GLIS3: variants seen among roughly 807,000 people sequenced by gnomAD.
GLIS3 encodes zinc finger protein GLIS3.
GLIS3 carries 53 observed loss-of-function variants against 78.6 expected under a neutral mutation model. That is an observed-to-expected ratio of 0.67 (90% CI 0.54 to 0.85). GLIS3 has a LOEUF of 0.85. GLIS3 is among the 40% of genes least tolerant of loss of function. GLIS3 has a pLI of 0.00. For missense variants in GLIS3, 1,703 were observed against 1,231.1 expected, an observed-to-expected ratio of 1.38 and a Z score of -5.74; for synonymous variants, 684 against 509.9, an observed-to-expected ratio of 1.34 and a Z score of -4.60.
At chr9:4,312,394 G>A (rs1254662966) in intron 2 of GLIS3, among the ~76,000 whole-genome samples, 1 of 152,154 alleles carries the variant, frequency 6.6e-6, no homozygotes, top group African/African-American at 2.4e-5. Context: ...CTTGAACCAG[G>A]GAGTGGGAGG....
intron 6 of GLIS3, among the ~76,000 whole-genome samples, chr9:3,905,140 A>ATTTTTTTTTTT (rs369063136): frequency 1.8e-5 from 2 of 109,124 alleles, no homozygotes; most frequent in African/African-American, 3.4e-5. Context: ...GCCCGGTTAA[A>ATTTTTTTTTTT]TTTTTTTCTT....
At chr9:3,989,643 T>C (rs1005652064) in intron 4 of GLIS3, among the ~76,000 whole-genome samples, 9 of 152,168 alleles carry the variant, frequency 5.9e-5, no homozygotes, top group African/African-American at 2.2e-4. Flanking sequence ...TTACATACTG[T>C]ATGAGTCCAT....
chr9:4,017,339 C>T (rs1189124442), intron 4 of GLIS3, among the ~76,000 whole-genome samples: 1 of 152,168 alleles, frequency 6.6e-6, no homozygotes, highest in Admixed American at 6.5e-5. Flanking sequence ...TGTCCTTCTT[C>T]AACCAACACA....
intron 6 of GLIS3, among the ~76,000 whole-genome samples, chr9:3,909,454 A>C (rs1823982858): frequency 6.6e-6 from 1 of 152,196 alleles, no homozygotes; most frequent in South Asian, 2.1e-4. Flanking sequence ...AAGAGAAATG[A>C]GAGTAAAGAC....
intron 6 of GLIS3, among the ~76,000 whole-genome samples, chr9:3,903,341 G>T (rs1380404340): frequency 2.0e-5 from 3 of 152,218 alleles, no homozygotes; most frequent in African/African-American, 7.2e-5. Flanking sequence ...CCTGCTGTTA[G>T]CAGAGAGCAA....
At chr9:4,271,079 TG>T (rs1309619224) in intron 2 of GLIS3, among the ~76,000 whole-genome samples, 3 of 152,052 alleles carry the variant, frequency 2.0e-5, no homozygotes, top group Non-Finnish European at 4.4e-5. Context: ...GTGAAGACAA[TG>T]AGAATGAAGA....
At position 4,209,370 on chromosome 9, in the gene GLIS3, C is replaced by T. The variant is rs542194020; in HGVS notation, c.388+76668G>A. On this transcript the variant is annotated intron_variant, in intron 2 of 10. Coordinates refer to ENST00000381971, the MANE Select transcript of GLIS3 (RefSeq NM_001042413.2). ...TTTCTCATAATGTCAGGGCATGTTA[C>T]TGGCATTCATGGGTGTGGACCAGAG... is the stretch of plus-strand genomic sequence containing the variant. Among the ~76,000 whole-genome samples, 5 of 152,248 alleles carry T rather than the reference C, an allele frequency of 3.3e-5. No homozygotes were observed. In the South Asian group the frequency reaches 1.0e-3, roughly 32 times the overall value.
chr9:3,900,186 TA>T (rs112638097), intron 6 of GLIS3, among the ~76,000 whole-genome samples: 26,732 of 128,738 alleles, frequency 0.21, 2,451 homozygotes, highest in Non-Finnish European at 0.24. Flanking sequence ...CAGAAACTGT[TA>T]AAAAAAAAAA....
chr9:3,926,268 T>C (rs1241651259), intron 6 of GLIS3, among the ~76,000 whole-genome samples: 3 of 150,032 alleles, frequency 2.0e-5, no homozygotes, highest in Non-Finnish European at 4.4e-5. Flanking sequence ...TCTTGCTCTG[T>C]CACCCACACT....
intron 2 of GLIS3, among the ~76,000 whole-genome samples, chr9:4,176,546 A>G (rs980257860): frequency 7.2e-5 from 11 of 152,120 alleles, no homozygotes; most frequent in Non-Finnish European, 1.0e-4. Flanking sequence ...CTTTTAGGGT[A>G]GGAGGAATTT....
chr9:4,080,529 T>A (rs975779516), intron 4 of GLIS3, among the ~76,000 whole-genome samples: 41 of 152,346 alleles, frequency 2.7e-4, no homozygotes, highest in African/African-American at 8.7e-4. Context: ...AGGGAAAGGA[T>A]AAATCACTAA....
intron 8 of GLIS3, among the ~76,000 whole-genome samples, chr9:3,878,070 G>A (rs779743703): frequency 6.6e-6 from 1 of 152,090 alleles, no homozygotes; most frequent in South Asian, 2.1e-4. Flanking sequence ...CCCTGACGGT[G>A]TCCTTTCTGT....
chr9:3,984,111 T>C (rs758807079), intron 4 of GLIS3, among the ~76,000 whole-genome samples: 19 of 152,244 alleles, frequency 1.2e-4, no homozygotes, highest in Non-Finnish European at 2.6e-4. Flanking sequence ...GCTAGGGCAG[T>C]GCAGAAGGGA....
intron 2 of GLIS3, among the ~76,000 whole-genome samples, chr9:4,262,987 C>T (rs149966801): frequency 2.9e-4 from 43 of 150,674 alleles, no homozygotes; most frequent in African/African-American, 9.5e-4. Flanking sequence ...TTCACTGTGG[C>T]ACCCCAGGGT....
intron 4 of GLIS3, among the ~76,000 whole-genome samples, chr9:4,100,588 G>C (rs1029320129): frequency 2.0e-5 from 3 of 152,158 alleles, no homozygotes; most frequent in Non-Finnish European, 2.9e-5. Flanking sequence ...AAATGATTCT[G>C]TGTCAAATTC....
chr9:4,018,756 TTC>T (rs1217885448), intron 4 of GLIS3, among the ~76,000 whole-genome samples: 1 of 152,146 alleles, frequency 6.6e-6, no homozygotes, highest in Non-Finnish European at 1.5e-5. Flanking sequence ...AAAAGAAAGT[TTC>T]CCCAGTGATT....
intron 4 of GLIS3, among the ~76,000 whole-genome samples, chr9:4,008,795 G>T (rs1821764856): frequency 1.3e-5 from 2 of 152,116 alleles, no homozygotes; most frequent in Non-Finnish European, 2.9e-5. Context: ...AGAGTTGAAA[G>T]AAACTTTAGA....
chr9:4,156,540 C>G (rs568030845), intron 2 of GLIS3, among the ~76,000 whole-genome samples: 1 of 152,302 alleles, frequency 6.6e-6, no homozygotes, highest in African/African-American at 2.4e-5. Context: ...AGAGATGCTT[C>G]AAGGACAAAG....
chr9:3,834,906 T>A (rs531464618), intron 9 of GLIS3, among the ~76,000 whole-genome samples: 80 of 152,310 alleles, frequency 5.3e-4, no homozygotes, highest in Non-Finnish European at 8.5e-4. Flanking sequence ...GAAAGAAATG[T>A]GTCACCCACT....
Sources: gnomAD v4.1 joint callset for allele counts (sites outside exome capture counted in the v4.1 genomes callset) on GRCh38, gnomAD v4.1.1 for gene constraint, MANE v1.5 for transcripts, NCBI Gene and HGNC (gene_info 2026-07-23, HGNC 2026-07-21) for gene names.